The following EYS variants were observed in gnomAD, a reference collection of about 807,000 sequenced individuals.
EYS encodes the protein EGF-like photoreceptor maintenance factor.
EYS carries 250 observed loss-of-function variants against 282.1 expected under a neutral mutation model. The observed-to-expected ratio is 0.89, with a 90% CI of 0.80 to 0.98. The LOEUF is 0.98. Among genes scored for constraint, EYS ranks in the 50% least tolerant of loss-of-function variants. EYS has a pLI of 0.00. For synonymous variants in EYS, 1,355 were observed against 1,282.9 expected, an observed-to-expected ratio of 1.06 and a Z score of -1.20; for missense variants, 4,016 against 3,709.0, an observed-to-expected ratio of 1.08 and a Z score of -2.15.
chr6:65,134,204 G>T (rs1045587826), intron 12 of EYS, among the ~76,000 whole-genome samples: 2 of 152,044 alleles, frequency 1.3e-5, no homozygotes, highest in Non-Finnish European at 2.9e-5. Context: ...AAGCAGTGTG[G>T]TGATTTCTCA....
chr6:64,580,015 T>C (rs1333619499), intron 26 of EYS, among the ~76,000 whole-genome samples: 1 of 152,168 alleles, frequency 6.6e-6, no homozygotes, highest in African/African-American at 2.4e-5. Flanking sequence ...AGGCACATTA[T>C]ATTTATTTAT....
intron 2 of EYS, among the ~76,000 whole-genome samples, chr6:65,632,515 C>T (rs146184604): frequency 1.5e-3 from 227 of 152,202 alleles, no homozygotes; most frequent in Non-Finnish European, 2.3e-3. Context: ...TCCCTTGGTG[C>T]GGGTGAGCAT....
rs201804731 is a variant in EYS, at chr6:65,651,285, A to G, written c.-447-11393T>C. 7.2e-5 allele frequency among the ~76,000 whole-genome samples: 11 copies of G among 152,216 alleles called. No homozygotes were observed. The East Asian group carries it at 1.7e-3, about 24-fold the overall frequency. On this transcript the variant is annotated intron_variant, in intron 1 of 42. Transcript: ENST00000503581. Reference sequence around the variant, plus strand: ...TTTTTAGATCAGAAAAATAAGTGAAAAAAAACAGAAGAATGGTCTAAAATA... The same window carrying G: ...TTTTTAGATCAGAAAAATAAGTGAAGAAAAACAGAAGAATGGTCTAAAATA...
chr6:64,312,648 C>G (rs1205504731), intron 29 of EYS, among the ~76,000 whole-genome samples: 2 of 152,184 alleles, frequency 1.3e-5, no homozygotes, highest in Non-Finnish European at 2.9e-5. Flanking sequence ...TGGCATCTGG[C>G]TGGTTCCCCT....
At chr6:64,016,982 A>T (rs1239037518) in intron 33 of EYS, among the ~76,000 whole-genome samples, 1 of 151,792 alleles carries the variant, frequency 6.6e-6, no homozygotes, top group African/African-American at 2.4e-5. Flanking sequence ...GTCTCCTTTA[A>T]TCATAATCTT....
intron 26 of EYS, among the ~76,000 whole-genome samples, chr6:64,545,470 A>T (rs1428135250): frequency 6.6e-6 from 1 of 152,232 alleles, no homozygotes; most frequent in Non-Finnish European, 1.5e-5. Context: ...CAAGACAGGG[A>T]TGCCCTCTCT....
intron 26 of EYS, among the ~76,000 whole-genome samples, chr6:64,576,886 C>A (rs1317018250): frequency 2.6e-5 from 4 of 152,004 alleles, no homozygotes; most frequent in Non-Finnish European, 5.9e-5. Flanking sequence ...TCCAATAACT[C>A]AGAATGTGAT....
rs1427093652 is a variant in EYS, at chr6:64,465,635, G to A, written c.5645-26283C>T. ...ACACTGAAATGTAAGACCTGAAACT[G>A]TAAAATTAGTTGAAGAAAACATTGA... On this transcript the variant is annotated intron_variant, in intron 26 of 42. Coordinates refer to ENST00000503581, the MANE Select transcript of EYS (RefSeq NM_001142800.2). 2.0e-5 allele frequency among the ~76,000 whole-genome samples: 3 copies of A among 151,814 alleles called. 1 individual carries two copies. Among genetic ancestry groups the A allele is most frequent in the Admixed American group, 2.0e-4 (3 of 15,232 alleles).
chr6:64,361,761 C>T (rs1772017076), intron 29 of EYS, among the ~76,000 whole-genome samples: 1 of 151,636 alleles, frequency 6.6e-6, no homozygotes, highest in Non-Finnish European at 1.5e-5. Flanking sequence ...TATAATTGCA[C>T]TCATCATTGT....
At chr6:65,010,844 C>T (rs1771843559) in intron 13 of EYS, among the ~76,000 whole-genome samples, 1 of 152,174 alleles carries the variant, frequency 6.6e-6, no homozygotes, top group Non-Finnish European at 1.5e-5. Context: ...ACCTATCAAA[C>T]ATCAGGAAGC....
chr6:64,660,706 A>G (rs1768977465), intron 22 of EYS, among the ~76,000 whole-genome samples: 1 of 152,182 alleles, frequency 6.6e-6, no homozygotes, highest in South Asian at 2.1e-4. Context: ...CTTCAAGGAG[A>G]ACTACAAACC....
intron 31 of EYS, among the ~76,000 whole-genome samples, chr6:64,084,724 AG>A (rs1370784077): frequency 6.6e-6 from 1 of 152,190 alleles, no homozygotes; most frequent in Admixed American, 6.5e-5. Context: ...TATGTTTCAA[AG>A]GCAACAGAGA....
intron 31 of EYS, among the ~76,000 whole-genome samples, chr6:64,172,146 G>A (rs972047464): frequency 2.6e-5 from 4 of 152,120 alleles, no homozygotes; most frequent in Admixed American, 2.0e-4. Flanking sequence ...TATGTAGAGA[G>A]TTGATATCAC....
At chr6:65,477,544 C>T (rs7750734) in intron 5 of EYS, among the ~76,000 whole-genome samples, 6,225 of 152,150 alleles carry the variant, frequency 0.041, 388 homozygotes, top group African/African-American at 0.13. Context: ...AGTATTACTG[C>T]GATGTATAGA....
chr6:64,209,423 T>C (rs1765697242), intron 31 of EYS, among the ~76,000 whole-genome samples: 3 of 152,180 alleles, frequency 2.0e-5, no homozygotes, highest in African/African-American at 4.8e-5. Context: ...TATTTTGTCA[T>C]AGTTGCATCT....
intron 26 of EYS, among the ~76,000 whole-genome samples, chr6:64,487,794 C>T (rs1029203344): frequency 6.6e-6 from 1 of 150,802 alleles, no homozygotes; most frequent in African/African-American, 2.4e-5. Flanking sequence ...TAATTTATAT[C>T]AATACCTATT....
chr6:64,842,977 G>T (rs1253043004), intron 19 of EYS, among the ~76,000 whole-genome samples: 3 of 152,108 alleles, frequency 2.0e-5, no homozygotes, highest in African/African-American at 7.2e-5. Context: ...CAAGACAATG[G>T]GGAAATTGTC....
chr6:64,107,283 A>T (rs868720811), intron 31 of EYS, among the ~76,000 whole-genome samples: 2 of 83,558 alleles, frequency 2.4e-5, no homozygotes, highest in South Asian at 7.4e-4. Flanking sequence ...ATATATATAT[A>T]TTTATATATA....
chr6:64,335,086 C>G (rs1200021230), intron 29 of EYS, among the ~76,000 whole-genome samples: 1 of 151,986 alleles, frequency 6.6e-6, no homozygotes, highest in Non-Finnish European at 1.5e-5. Context: ...TGTACCCACT[C>G]AAGAAGAAAT....
Sources: gnomAD v4.1 joint callset for allele counts (sites outside exome capture counted in the v4.1 genomes callset) on GRCh38, gnomAD v4.1.1 for gene constraint, MANE v1.5 for transcripts, NCBI Gene and HGNC (gene_info 2026-07-23, HGNC 2026-07-21) for gene names.